Variants in ULK4 observed in about 807,000 individuals in gnomAD.
ULK4 encodes the protein unc-51 like kinase 4.
A neutral mutation model predicts 160.6 loss-of-function variants in ULK4; 133 were observed. The observed-to-expected ratio is 0.83, with a 90% CI of 0.72 to 0.96. The LOEUF (loss-of-function observed/expected upper bound fraction) is 0.96, where lower values mean the gene tolerates loss of function less well. ULK4 is among the 40% of genes least tolerant of loss of function. ULK4 has a pLI of 0.00. For missense variants in ULK4, 1,580 were observed against 1,499.5 expected (o/e 1.05, Z -0.89); for synonymous variants, 534 against 539.8 (o/e 0.99, Z 0.15).
At chr3:41,821,721 T>C (rs888788564) in intron 18 of ULK4, among the ~76,000 whole-genome samples, 2 of 152,144 alleles carry the variant, frequency 1.3e-5, no homozygotes, top group African/African-American at 4.8e-5. Context: ...CCTCATCCCT[T>C]GGCCCCTTTT....
At chr3:41,494,312 G>T (rs28841581) in intron 32 of ULK4, among the ~76,000 whole-genome samples, 7 of 103,612 alleles carry the variant, frequency 6.8e-5, no homozygotes, top group Non-Finnish European at 1.0e-4. Flanking sequence ...CATATAAACA[G>T]AACCAAAGAC....
chr3:41,742,603 T>A (rs2038279217), intron 22 of ULK4, among the ~76,000 whole-genome samples: 1 of 151,420 alleles, frequency 6.6e-6, no homozygotes, highest in South Asian at 2.1e-4. Flanking sequence ...ACCAAGAAAA[T>A]CGCATGAATC....
chr3:41,651,539 A>T (rs2034744578), intron 30 of ULK4, among the ~76,000 whole-genome samples: 2 of 152,196 alleles, frequency 1.3e-5, no homozygotes, highest in South Asian at 4.1e-4. Flanking sequence ...GAATATAACT[A>T]GTTGTGAAGT....
chr3:41,929,129 A>T (rs1168671843), intron 5 of ULK4, among the ~76,000 whole-genome samples: 1 of 152,222 alleles, frequency 6.6e-6, no homozygotes, highest in Admixed American at 6.5e-5. Context: ...AGCACATCCA[A>T]AAGTTTATCC....
In ULK4 at chr3:41,417,983, A is replaced by G. The variant is rs1292412691; in HGVS notation, c.3493-19719T>C. 2.0e-5 allele frequency among the ~76,000 whole-genome samples: 3 copies of G among 152,192 alleles called. No individual in the cohort carries two copies. In the South Asian group the frequency reaches 6.2e-4, roughly 32 times the overall value. On this transcript the variant is annotated intron_variant, in intron 34 of 36. Coordinates refer to ENST00000301831, the MANE Select transcript of ULK4 (RefSeq NM_017886.4). ...CCCATGCAAAAGATAATACATTTTT[A>G]TCATCAAGAATGAGAAAGTTGAGAC...
intron 12 of ULK4, 106 bp downstream of exon 12, chr3:41,907,739 T>G: frequency 3.1e-6 from 2 of 639,796 alleles, no homozygotes; most frequent in Non-Finnish European, 2.4e-6. Context: ...AAAGATGACC[T>G]TATTGTAAAT....
intron 29 of ULK4, among the ~76,000 whole-genome samples, chr3:41,680,378 G>T (rs146007431): frequency 1.3e-5 from 2 of 152,186 alleles, no homozygotes; most frequent in African/African-American, 4.8e-5. Flanking sequence ...TAGGAAAAAA[G>T]AAACAAGAGG....
intron 2 of ULK4, among the ~76,000 whole-genome samples, chr3:41,950,339 C>A (rs561140536): frequency 6.6e-6 from 1 of 152,202 alleles, no homozygotes; most frequent in South Asian, 2.1e-4. Context: ...CTCCTGAGTT[C>A]AAGTGATTCT....
chr3:41,294,196 T>C (rs982677023), intron 35 of ULK4, among the ~76,000 whole-genome samples: 1 of 152,176 alleles, frequency 6.6e-6, no homozygotes, highest in African/African-American at 2.4e-5. Context: ...AATGGTTTAG[T>C]GCTGCTATAA....
At chr3:41,882,635 C>T (rs1373122826) in intron 17 of ULK4, among the ~76,000 whole-genome samples, 3 of 152,226 alleles carry the variant, frequency 2.0e-5, no homozygotes, top group Non-Finnish European at 4.4e-5. Context: ...ACTGCAACTA[C>T]TGAATCATTT....
At chr3:41,677,785 T>C (rs562742490) in intron 29 of ULK4, among the ~76,000 whole-genome samples, 2 of 152,226 alleles carry the variant, frequency 1.3e-5, no homozygotes, top group South Asian at 2.1e-4. Context: ...ACTCAATAAG[T>C]AGGGTACCCA....
chr3:41,770,695 T>G (rs1446837768), intron 21 of ULK4, among the ~76,000 whole-genome samples: 1 of 152,050 alleles, frequency 6.6e-6, no homozygotes, highest in Non-Finnish European at 1.5e-5. Flanking sequence ...GTATTTTTAG[T>G]AGAGACAGGG....
chr3:41,708,565 T>C (rs1050957534), intron 25 of ULK4, among the ~76,000 whole-genome samples: 1 of 151,978 alleles, frequency 6.6e-6, no homozygotes, highest in Non-Finnish European at 1.5e-5. Flanking sequence ...TTTGATTATA[T>C]AGAGGGAATA....
chr3:41,768,474 C>A (rs1380358132), intron 21 of ULK4, among the ~76,000 whole-genome samples: 1 of 152,154 alleles, frequency 6.6e-6, no homozygotes, highest in Non-Finnish European at 1.5e-5. Context: ...ACCTTGTACT[C>A]CTGAAACAGT....
Position 41,642,033 on chromosome 3 carries a change from G to A in ULK4, c.3071+21574C>T, listed in dbSNP as rs186046988. Among the ~76,000 whole-genome samples the A allele has an allele frequency of 3.4e-3, 515 of 151,978 alleles. 3 individuals carry two copies. Among genetic ancestry groups the A allele is most frequent in the African/African-American group, 0.011 (466 of 41,430 alleles). On this transcript the variant is annotated intron_variant, in intron 30 of 36. Coordinates refer to ENST00000301831, the MANE Select transcript of ULK4 (RefSeq NM_017886.4). ...TGGAATTACAGGCACATGCAACCAC[G>A]TCTAGCTAATTTTGTATTTCAGTAG...
intron 27 of ULK4, among the ~76,000 whole-genome samples, chr3:41,695,346 A>AAGAGC (rs2036455987): frequency 6.6e-6 from 1 of 152,226 alleles, no homozygotes; most frequent in Non-Finnish European, 1.5e-5. Context: ...CCCAGAAGAG[A>AAGAGC]AGAGCACACT....
At chr3:41,836,911 C>A (rs543921367) in intron 17 of ULK4, among the ~76,000 whole-genome samples, 1 of 151,970 alleles carries the variant, frequency 6.6e-6, no homozygotes, top group South Asian at 2.1e-4. Context: ...AGAACAGTTT[C>A]GGAATGACAT....
At chr3:41,698,104 G>C (rs1233772409) in intron 27 of ULK4, among the ~76,000 whole-genome samples, 1 of 152,132 alleles carries the variant, frequency 6.6e-6, no homozygotes, top group African/African-American at 2.4e-5. Flanking sequence ...ATATAGCCTA[G>C]GTGTGTAATG....
intron 11 of ULK4, 152 bp downstream of exon 11, chr3:41,911,165 T>A: frequency 1.3e-6 from 1 of 784,972 alleles, no homozygotes. Flanking sequence ...ACGACCTAAC[T>A]GTAACTTTGA....
Sources: gnomAD v4.1 joint callset for allele counts (sites outside exome capture counted in the v4.1 genomes callset) on GRCh38, gnomAD v4.1.1 for gene constraint, MANE v1.5 for transcripts, NCBI Gene and HGNC (gene_info 2026-07-23, HGNC 2026-07-21) for gene names.